The following DLG2 variants were observed in gnomAD, a reference collection of about 807,000 sequenced individuals.
The protein encoded by DLG2 is discs large MAGUK scaffold protein 2, also known as disks large homolog 2.
DLG2 carries 45 observed loss-of-function variants against 132.5 expected under a neutral mutation model. The observed-to-expected ratio is 0.34, with a 90% CI of 0.27 to 0.44. The LOEUF is 0.44. Ranked by LOEUF, DLG2 falls within the 20% of genes least tolerant of loss-of-function variation. DLG2 has a pLI of 1.00. For synonymous variants in DLG2, 424 were observed against 419.6 expected, an observed-to-expected ratio of 1.01 and a Z score of -0.13; for missense variants, 1,045 against 1,196.9, an observed-to-expected ratio of 0.87 and a Z score of 1.87.
intron 3 of DLG2, among the ~76,000 whole-genome samples, chr11:85,366,478 C>T (rs146125841): frequency 9.9e-5 from 15 of 152,206 alleles, no homozygotes; most frequent in African/African-American, 2.9e-4. Flanking sequence ...ACTTAGAAGT[C>T]CAATTTCAGT....
chr11:83,849,272 C>T (rs2059215153), intron 16 of DLG2, among the ~76,000 whole-genome samples: 1 of 130,372 alleles, frequency 7.7e-6, no homozygotes, highest in Non-Finnish European at 1.5e-5. Flanking sequence ...AATTCCTGGA[C>T]CATATTAATA....
intron 3 of DLG2, among the ~76,000 whole-genome samples, chr11:85,397,683 G>C (rs1236805642): frequency 1.3e-5 from 2 of 152,096 alleles, no homozygotes; most frequent in Non-Finnish European, 1.5e-5. Flanking sequence ...AGACAAAGAA[G>C]GCCACTACAT....
chr11:83,978,380 T>C (rs557221846), intron 12 of DLG2, among the ~76,000 whole-genome samples: 1 of 152,198 alleles, frequency 6.6e-6, no homozygotes, highest in African/African-American at 2.4e-5. Flanking sequence ...GAAACGGTCT[T>C]CATTTTTCAA....
At chr11:83,846,460 C>G (rs1019564036) in intron 16 of DLG2, among the ~76,000 whole-genome samples, 2 of 152,160 alleles carry the variant, frequency 1.3e-5, no homozygotes, top group Non-Finnish European at 2.9e-5. Flanking sequence ...TGTTCTGTTT[C>G]TACAGCCCCC....
At chr11:83,717,125 C>T (rs1019805348) in intron 18 of DLG2, among the ~76,000 whole-genome samples, 23 of 152,218 alleles carry the variant, frequency 1.5e-4, no homozygotes, top group Admixed American at 1.0e-3. Flanking sequence ...CCTGTCTTTT[C>T]GAGAAAGTAC....
At chr11:85,581,119 G>A (rs948845733) in intron 3 of DLG2, among the ~76,000 whole-genome samples, 1 of 152,096 alleles carries the variant, frequency 6.6e-6, no homozygotes, top group Non-Finnish European at 1.5e-5. Flanking sequence ...TTTAGCAGTG[G>A]CTGTGCTCCT....
intron 9 of DLG2, among the ~76,000 whole-genome samples, chr11:84,105,154 T>C (rs976032126): frequency 6.6e-6 from 1 of 152,122 alleles, no homozygotes; most frequent in Admixed American, 6.6e-5. Context: ...AACCGCTTCA[T>C]TGGATTTTTG....
At position 85,022,298 on chromosome 11, in the gene DLG2, C is replaced by T. The variant is rs995826758; in HGVS notation, c.357+89363G>A. Among the ~76,000 whole-genome samples, 16 of 150,500 alleles carry T rather than the reference C, an allele frequency of 1.1e-4. No homozygotes were observed. The Middle Eastern group carries it at 0.01, about 97-fold the overall frequency. ...AGAAAATTACTTAGAGCACAAAAAA[C>T]TGGTAAGAAATAGAACACTTGGTTC... On this transcript the variant is annotated intron_variant, in intron 6 of 27. Coordinates refer to ENST00000376104, the MANE Select transcript of DLG2 (RefSeq NM_001142699.3).
chr11:83,515,215 C>T (rs566718788), intron 21 of DLG2, among the ~76,000 whole-genome samples: 12 of 152,148 alleles, frequency 7.9e-5, no homozygotes, highest in Non-Finnish European at 1.5e-4. Context: ...TTCTGTTATT[C>T]GTCTATTTAG....
intron 21 of DLG2, 58 bp downstream of exon 21, chr11:83,532,650 T>C: frequency 6.7e-7 from 1 of 1,488,308 alleles, no homozygotes. Context: ...AATGTGTTAA[T>C]TATAGTTAAA....
At chr11:85,318,833 T>C (rs1406130861) in intron 3 of DLG2, among the ~76,000 whole-genome samples, 1 of 151,800 alleles carries the variant, frequency 6.6e-6, no homozygotes, top group Non-Finnish European at 1.5e-5. Context: ...GCCACTAAGG[T>C]CCACTGTTGA....
chr11:84,365,077 A>G (rs2098673711), intron 7 of DLG2, among the ~76,000 whole-genome samples: 1 of 152,126 alleles, frequency 6.6e-6, no homozygotes, highest in Admixed American at 6.5e-5. Flanking sequence ...GAATAGTTTC[A>G]GAAGGAATGG....
chr11:83,911,854 T>G (rs1215849136), intron 15 of DLG2, among the ~76,000 whole-genome samples: 1 of 152,102 alleles, frequency 6.6e-6, no homozygotes, highest in African/African-American at 2.4e-5. Flanking sequence ...GCAAAAGGTT[T>G]TTTTTTGTTT....
chr11:84,713,437 T>C (rs1054375337), intron 6 of DLG2, among the ~76,000 whole-genome samples: 2 of 152,234 alleles, frequency 1.3e-5, no homozygotes, highest in Admixed American at 6.5e-5. Context: ...GTGTATGTAT[T>C]GAGAGAGAAA....
At chr11:83,694,313 GC>G in intron 18 of DLG2, among the ~76,000 whole-genome samples, 1 of 152,156 alleles carries the variant, frequency 6.6e-6, no homozygotes, top group East Asian at 1.9e-4. Flanking sequence ...CTACAGGGCT[GC>G]CTGTGTTCAG....
At chr11:83,512,589 T>A (rs1190258159) in intron 21 of DLG2, among the ~76,000 whole-genome samples, 1 of 152,172 alleles carries the variant, frequency 6.6e-6, no homozygotes, top group Non-Finnish European at 1.5e-5. Context: ...TGTGCAGGTT[T>A]GTTACATATG....
chr11:85,326,353 T>C (rs1489243112), intron 3 of DLG2, among the ~76,000 whole-genome samples: 1 of 139,394 alleles, frequency 7.2e-6, no homozygotes, highest in Non-Finnish European at 1.5e-5. Context: ...AAGGAAGAAA[T>C]GTTAAGGGCA....
intron 11 of DLG2, among the ~76,000 whole-genome samples, chr11:83,995,936 C>T (rs1565960054): frequency 6.6e-6 from 1 of 151,844 alleles, no homozygotes; most frequent in South Asian, 2.1e-4. Context: ...TGAACAATAC[C>T]CCACAGGCAA....
rs181445083 is a variant in DLG2 at position 84,193,809 on chromosome 11, C to T, written c.574-30298G>A. ...CATCCTTTGTTACACTGTGTCCCTA[C>T]TGAAGCTTGTACAACTTTTGGATTT... On this transcript the variant is annotated intron_variant, in intron 8 of 27. Coordinates refer to ENST00000376104, the MANE Select transcript of DLG2 (RefSeq NM_001142699.3). Among the ~76,000 whole-genome samples the T allele has an allele frequency of 2.5e-4, 38 of 152,320 alleles. No homozygotes were observed. The East Asian group carries it at 6.2e-3, about 25-fold the overall frequency.
Sources: allele counts gnomAD v4.1 joint callset (sites outside exome capture counted in the v4.1 genomes callset), GRCh38; gene constraint gnomAD v4.1.1; transcripts MANE v1.5; gene names NCBI Gene and HGNC (gene_info 2026-07-23, HGNC 2026-07-21).